NCOR2: variants seen among roughly 807,000 people sequenced by gnomAD.
The protein encoded by NCOR2 is CTG repeat protein 26.
Under a neutral mutation model 262.9 loss-of-function variants are expected in NCOR2, and 81 were observed. The ratio of observed to expected loss-of-function variants is 0.31; its 90% CI spans 0.26 to 0.37. The LOEUF (loss-of-function observed/expected upper bound fraction) is 0.37. Among genes scored for constraint, NCOR2 ranks in the 10% least tolerant of loss-of-function variants. NCOR2 has a pLI of 1.00. For synonymous variants in NCOR2, 1,659 were observed against 1,559.3 expected (o/e 1.06, Z -1.51); for missense variants, 3,385 against 3,621.4 (o/e 0.93, Z 1.68).
chr12:124,420,386 C>T (rs559340333), intron 12 of NCOR2, among the ~76,000 whole-genome samples: 1 of 152,198 alleles, frequency 6.6e-6, no homozygotes, highest in South Asian at 2.1e-4. Context: ...GCGCTGACGT[C>T]GCCATGTCAC....
chr12:124,535,908 GACC>G (rs2051099882), upstream of NCOR2, among the ~76,000 whole-genome samples: 1 of 151,904 alleles, frequency 6.6e-6, no homozygotes, highest in Non-Finnish European at 1.5e-5. Context: ...ACCCTGGCAA[GACC>G]ACCGAGGGGC....
rs148375505 is a variant in NCOR2, at chr12:124,440,236, G to A, written c.816-2240C>T. Among the ~76,000 whole-genome samples, 623 of 152,316 alleles carry A rather than the reference G, an allele frequency of 4.1e-3. 3 individuals carry two copies. The highest frequency in any genetic ancestry group is 0.013 in the African/African-American group (530 of 41,542). On this transcript the variant is annotated intron_variant, in intron 7 of 46. Coordinates refer to ENST00000405201, the Ensembl canonical transcript of NCOR2. This position sits in a 1 kb window ranked among gnomAD's most constrained non-coding sequence, Gnocchi z 5.7. ...CTCAAAAGTTCCAAAGCTACTGACT[G>A]GGAGCCACGCTATGTCCAGCCCCCG...
intron 18 of NCOR2, among the ~76,000 whole-genome samples, 185 bp from the exon 21 acceptor site, chr12:124,374,648 G>C (rs547796210): frequency 5.2e-5 from 8 of 152,388 alleles, no homozygotes; most frequent in African/African-American, 1.9e-4. Flanking sequence ...TCTGGGCTCT[G>C]GCCAGCGGCC....
At chr12:124,461,000 G>T (rs2046132202) in intron 5 of NCOR2, among the ~76,000 whole-genome samples, 1 of 152,234 alleles carries the variant, frequency 6.6e-6, no homozygotes. Flanking sequence ...ACACTTGTTA[G>T]AGCTGAACTA....
At chr12:124,449,682 G>C (rs190292501) in intron 7 of NCOR2, 133 bp downstream of exon 9, 3 of 732,030 alleles carry the variant, frequency 4.1e-6, no homozygotes, top group Non-Finnish European at 2.0e-6. Flanking sequence ...TGTCCCCTCC[G>C]GGAGCACCTG....
At chr12:124,337,004 G>T in exon 38 of NCOR2, 1 of 1,509,674 alleles carries the variant, frequency 6.6e-7, no homozygotes, top group East Asian at 2.3e-5. Context: ...GGCGAGGAAG[G>T]CATGGCCGGT....
Position 124,456,473 on chromosome 12 carries a change from AAAG to A in NCOR2, c.762+630_762+632del, listed in dbSNP as rs573529846. On this transcript the variant is annotated intron_variant, in intron 6 of 46. Coordinates refer to ENST00000405201, the Ensembl canonical transcript of NCOR2. ...GCTGACATGGCATCTTTCCGCAGCA[AAAG>A]GACACTAGTGACAGCCATCATCGCC... is the stretch of plus-strand genomic sequence containing the variant. Among the ~76,000 whole-genome samples the A allele has an allele frequency of 2.7e-3, 415 of 152,318 alleles. 2 individuals carry two copies. The highest frequency in any genetic ancestry group is 9.5e-3 in the African/African-American group (393 of 41,570).
intron 13 of NCOR2, among the ~76,000 whole-genome samples, chr12:124,412,913 C>T (rs1310817128): frequency 6.6e-6 from 1 of 151,810 alleles, no homozygotes; most frequent in Non-Finnish European, 1.5e-5. Flanking sequence ...CAGACCTTGG[C>T]CTCAGACAGG....
upstream of NCOR2, chr12:124,495,380 CAAGAA>C (rs2048324714): frequency 1.4e-6 from 2 of 1,438,030 alleles, no homozygotes; most frequent in Admixed American, 2.8e-5. The surrounding 1 kb of genome is among the most constrained non-coding windows in gnomAD (Gnocchi z 4.4). Flanking sequence ...TGCGGGAAAA[CAAGAA>C]AAGAAAAACA....
chr12:124,354,077 A>AC lies in NCOR2; in HGVS notation c.3693+15dup, dbSNP rs766683492. On this transcript the variant is annotated intron_variant, in intron 27 of 46. Transcript: ENST00000405201. Reference sequence around the variant, plus strand: ...TGGTCCCAACCGTCCTTCCTGCCGCACCCCAGGACACCTACGTGGGTGATG... The same window carrying AC: ...TGGTCCCAACCGTCCTTCCTGCCGCACCCCCAGGACACCTACGTGGGTGATG... 3 of 1,602,920 alleles carry AC rather than the reference A, an allele frequency of 1.9e-6. No individual in the cohort carries two copies. In the South Asian group the frequency reaches 3.3e-5, roughly 18 times the overall value.
chr12:124,505,657 A>C (rs927535032), intron 1 of NCOR2, among the ~76,000 whole-genome samples: 2 of 152,100 alleles, frequency 1.3e-5, no homozygotes, highest in African/African-American at 4.8e-5. Context: ...CTTCACTTGG[A>C]AAGATTCACT....
At chr12:124,384,825 T>A (rs887329793) in intron 17 of NCOR2, among the ~76,000 whole-genome samples, 2 of 135,430 alleles carry the variant, frequency 1.5e-5, no homozygotes, top group East Asian at 4.3e-4. Flanking sequence ...GGGGGAGGAG[T>A]AGTCCTGGGG....
intron 20 of NCOR2, among the ~76,000 whole-genome samples, chr12:124,367,047 A>AT (rs1263037538): frequency 6.6e-6 from 1 of 152,234 alleles, no homozygotes; most frequent in Non-Finnish European, 1.5e-5. Flanking sequence ...TGTAAAGATA[A>AT]TTCTATAGAG....
intron 44 of NCOR2, among the ~76,000 whole-genome samples, chr12:124,327,931 C>T (rs2034828272): frequency 6.6e-6 from 1 of 152,046 alleles, no homozygotes; most frequent in African/African-American, 2.4e-5. Context: ...GATGCCCCCA[C>T]CAGCCCCTAT....
chr12:124,340,240 TC>T (rs1443270896), intron 36 of NCOR2, 36 bp from the exon 39 acceptor site: 2 of 1,605,798 alleles, frequency 1.2e-6, no homozygotes, highest in African/African-American at 2.7e-5. Context: ...GGGGGAGGCC[TC>T]TTGCGGCCCA....
At chr12:124,529,157 C>T (rs559903883) in intron 1 of NCOR2, among the ~76,000 whole-genome samples, 42 of 113,344 alleles carry the variant, frequency 3.7e-4, no homozygotes, top group African/African-American at 1.4e-3. Context: ...CCAGCCTGCA[C>T]GATAAGAGCG....
intron 1 of NCOR2, among the ~76,000 whole-genome samples, chr12:124,533,435 T>C (rs980610574): frequency 1.3e-5 from 2 of 151,908 alleles, no homozygotes; most frequent in Non-Finnish European, 2.9e-5. Context: ...CAGGGAGGCC[T>C]ACCCTGACCC....
intron 31 of NCOR2, among the ~76,000 whole-genome samples, chr12:124,345,750 T>C (rs908351749): frequency 6.6e-6 from 1 of 152,206 alleles, no homozygotes; most frequent in Non-Finnish European, 1.5e-5. Context: ...TCAGGGATCT[T>C]ACTGCTTCTG....
At chr12:124,515,682 C>T (rs1593925662) in intron 1 of NCOR2, among the ~76,000 whole-genome samples, 1 of 151,260 alleles carries the variant, frequency 6.6e-6, no homozygotes, top group African/African-American at 2.4e-5. Context: ...TGTGAGTGTG[C>T]GAGTATGCGT....
Sources: gnomAD v4.1 joint callset for allele counts (sites outside exome capture counted in the v4.1 genomes callset) on GRCh38, gnomAD v4.1.1 for gene constraint, Gnocchi (gnomAD v3.1) non-coding constraint, MANE v1.5 for transcripts, NCBI Gene and HGNC (gene_info 2026-07-23, HGNC 2026-07-21) for gene names.